GUCY1A2: variants seen among roughly 807,000 people sequenced by gnomAD.
The protein encoded by GUCY1A2 is guanylate cyclase 1 soluble subunit alpha 2.
In GUCY1A2, 27 loss-of-function variants were observed where a neutral mutation model predicts 63.5. The observed-to-expected ratio is 0.43, with a 90% CI of 0.31 to 0.59. The LOEUF is 0.59. GUCY1A2 is among the 20% of genes least tolerant of loss of function. The pLI is 0.11. For synonymous variants in GUCY1A2, 364 were observed against 343.5 expected, an observed-to-expected ratio of 1.06 and a Z score of -0.66; for missense variants, 768 against 913.3, an observed-to-expected ratio of 0.84 and a Z score of 2.05.
At chr11:106,998,694 A>G (rs1185319819) in intron 1 of GUCY1A2, among the ~76,000 whole-genome samples, 1 of 152,108 alleles carries the variant, frequency 6.6e-6, no homozygotes, top group African/African-American at 2.4e-5. Flanking sequence ...AAATAGCAAA[A>G]TCTCTGGAAT....
chr11:106,745,551 T>A (rs1863773196), intron 6 of GUCY1A2, among the ~76,000 whole-genome samples: 1 of 152,232 alleles, frequency 6.6e-6, no homozygotes, highest in African/African-American at 2.4e-5. Flanking sequence ...AATACTTTCT[T>A]GGCATGGTGT....
At chr11:107,014,468 A>G (rs1861792660) in intron 1 of GUCY1A2, among the ~76,000 whole-genome samples, 1 of 152,158 alleles carries the variant, frequency 6.6e-6, no homozygotes, top group African/African-American at 2.4e-5. Context: ...GTGTCCAGAG[A>G]TATGTAAGTT....
chr11:106,725,290 A>C (rs1346716520), intron 6 of GUCY1A2, among the ~76,000 whole-genome samples: 1 of 97,032 alleles, frequency 1.0e-5, no homozygotes, highest in African/African-American at 4.0e-5. Context: ...CTCCTGCCTC[A>C]GCCTCCCAAG....
At chr11:106,759,055 C>T (rs982979997) in intron 6 of GUCY1A2, among the ~76,000 whole-genome samples, 3 of 151,836 alleles carry the variant, frequency 2.0e-5, no homozygotes, top group Non-Finnish European at 1.5e-5. Context: ...TGACTATGCT[C>T]ACTACCTAGA....
Position 106,810,157 on chromosome 11 carries a change from G to A in GUCY1A2, c.1528C>T (p.Gln510Ter). Residue 510 changes from glutamine to a stop codon, truncating the protein, a stop_gained, in exon 5 of 8, where the codon CAG becomes TAG. Transcript: ENST00000526355. LOFTEE classifies it high-confidence loss of function. The stretch of plus-strand genomic sequence containing the variant: ...TCAAACTTTCTGGCCTGTACTTGCT[G>A]CCCTTGCCATAATTGCTGGGCTACA... The part of the protein sequence containing the change: ...GDVAQQLWQG[Q>*]QVQARKFDDV... 1.2e-6 allele frequency: 2 copies of A among 1,613,880 alleles called. No individual in the cohort carries two copies. The highest frequency in any genetic ancestry group is 1.7e-6 in the Non-Finnish European group (2 of 1,179,836).
At chr11:106,799,298 T>A (rs1373124257) in intron 5 of GUCY1A2, among the ~76,000 whole-genome samples, 1 of 152,144 alleles carries the variant, frequency 6.6e-6, no homozygotes, top group African/African-American at 2.4e-5. Context: ...GACGAATCAA[T>A]GTCATGAAAA....
intron 5 of GUCY1A2, among the ~76,000 whole-genome samples, chr11:106,807,845 T>C (rs990533997): frequency 2.6e-5 from 4 of 152,194 alleles, no homozygotes; most frequent in Non-Finnish European, 5.9e-5. Context: ...TCTTTTGTGC[T>C]GGATGCTTCC....
At chr11:107,001,378 G>A (rs1861609839) in intron 1 of GUCY1A2, among the ~76,000 whole-genome samples, 1 of 152,052 alleles carries the variant, frequency 6.6e-6, no homozygotes, top group Non-Finnish European at 1.5e-5. Context: ...TATAATGTAA[G>A]TTGACTGGTG....
intron 4 of GUCY1A2, chr11:106,827,965 C>A (rs760416967): frequency 1.6e-4 from 148 of 911,614 alleles, no homozygotes; most frequent in Middle Eastern, 6.5e-4. Context: ...GAGGAAGCAG[C>A]CGCGAGGCGG....
At chr11:106,936,721 T>C in intron 4 of GUCY1A2, 2 of 1,521,258 alleles carry the variant, frequency 1.3e-6, no homozygotes, top group South Asian at 2.4e-5. Context: ...CTCTTGATTT[T>C]TTTTTTTTAT....
At chr11:106,996,136 T>C (rs1200221105) in intron 1 of GUCY1A2, among the ~76,000 whole-genome samples, 1 of 152,156 alleles carries the variant, frequency 6.6e-6, no homozygotes, top group Non-Finnish European at 1.5e-5. Flanking sequence ...CATGCCTGGG[T>C]TTCACTCCAG....
At chr11:106,910,556 A>T (rs1860279430) in intron 4 of GUCY1A2, among the ~76,000 whole-genome samples, 1 of 152,070 alleles carries the variant, frequency 6.6e-6, no homozygotes, top group Non-Finnish European at 1.5e-5. Context: ...CATGTATCAG[A>T]ATTCATTCCC....
At chr11:106,824,665 G>C in intron 4 of GUCY1A2, 1 of 843,428 alleles carries the variant, frequency 1.2e-6, no homozygotes, top group Non-Finnish European at 1.8e-6. Flanking sequence ...ATAGAAATTT[G>C]TAGATAAAAA....
intron 4 of GUCY1A2, among the ~76,000 whole-genome samples, chr11:106,871,394 G>A (rs896860368): frequency 6.6e-6 from 1 of 152,080 alleles, no homozygotes; most frequent in Non-Finnish European, 1.5e-5. Flanking sequence ...AAAAATCAAG[G>A]TGTTGACAGG....
chr11:106,989,351 AT>A (rs200374000), intron 1 of GUCY1A2, among the ~76,000 whole-genome samples: 53 of 149,148 alleles, frequency 3.6e-4, no homozygotes, highest in African/African-American at 7.4e-4. Context: ...TGCGTACCTT[AT>A]TTTTTTTTTA....
chr11:107,009,474 T>C (rs1861714905), intron 1 of GUCY1A2, among the ~76,000 whole-genome samples: 1 of 152,130 alleles, frequency 6.6e-6, no homozygotes. Context: ...TTTTCTACAA[T>C]CCCCAACCTT....
At chr11:106,862,305 T>C (rs958574572) in intron 4 of GUCY1A2, among the ~76,000 whole-genome samples, 2 of 134,052 alleles carry the variant, frequency 1.5e-5, no homozygotes, top group Non-Finnish European at 3.2e-5. Flanking sequence ...TTTCATATAA[T>C]TGTTATGAGA....
chr11:106,902,142 C>T (rs1276257652), intron 4 of GUCY1A2, among the ~76,000 whole-genome samples: 1 of 152,120 alleles, frequency 6.6e-6, no homozygotes, highest in African/African-American at 2.4e-5. Context: ...CAACATTTAT[C>T]TCCTTGTACA....
rs1188051735 is a variant in GUCY1A2 at position 106,679,973 on chromosome 11, C to G, written c.*7576G>C. 1 of 218,096 alleles carries G rather than the reference C, an allele frequency of 4.6e-6. No individual in the cohort carries two copies. The highest frequency in any genetic ancestry group is 2.2e-5 in the African/African-American group (1 of 44,466). The allele number at this position is 218,096 out of a possible 1,614,324, so 13.5% of individuals were successfully genotyped here. On this transcript the variant is annotated 3_prime_UTR_variant, in exon 8 of 8. Transcript: ENST00000526355. ...GAAGGGTTTCTCTTTTTTTGTCTTTCTCTTTTCTTTTTAAAAATGAGTGAC... is the reference window on the plus strand; with the variant it reads ...GAAGGGTTTCTCTTTTTTTGTCTTTGTCTTTTCTTTTTAAAAATGAGTGAC...
Sources: allele counts gnomAD v4.1 joint callset (sites outside exome capture counted in the v4.1 genomes callset), GRCh38; gene constraint gnomAD v4.1.1; transcripts MANE v1.5; gene names NCBI Gene and HGNC (gene_info 2026-07-23, HGNC 2026-07-21).